The following PALM2AKAP2 variants were observed in gnomAD, a reference collection of about 807,000 sequenced individuals.
PALM2AKAP2 encodes the protein PALM2 and AKAP2 fusion.
In PALM2AKAP2, 37 loss-of-function variants were observed where a neutral mutation model predicts 71.5. That is an observed-to-expected ratio of 0.52 (90% CI 0.40 to 0.68). PALM2AKAP2 has a LOEUF of 0.68. Ranked by LOEUF, PALM2AKAP2 falls within the 30% of genes least tolerant of loss-of-function variation. The pLI, the probability that PALM2AKAP2 is intolerant of heterozygous loss-of-function variation, is 0.00. For missense variants in PALM2AKAP2, 1,224 were observed against 1,191.8 expected, an observed-to-expected ratio of 1.03 and a Z score of -0.40; for synonymous variants, 468 against 478.8, an observed-to-expected ratio of 0.98 and a Z score of 0.29.
chr9:109,998,762 C>A (rs370082984), intron 6 of PALM2AKAP2, among the ~76,000 whole-genome samples: 3 of 116,506 alleles, frequency 2.6e-5, no homozygotes, highest in African/African-American at 7.8e-5. Flanking sequence ...GAGACCCTGT[C>A]GCAAAAAAAA....
At chr9:109,654,124 A>G (rs1017235363) in intron 1 of PALM2AKAP2, among the ~76,000 whole-genome samples, 1 of 152,222 alleles carries the variant, frequency 6.6e-6, no homozygotes, top group Non-Finnish European at 1.5e-5. Context: ...TCAGTCCTTT[A>G]ATATTTTAAA....
chr9:109,687,978 G>A (rs2118536725), intron 1 of PALM2AKAP2, among the ~76,000 whole-genome samples: 1 of 152,296 alleles, frequency 6.6e-6, no homozygotes, highest in East Asian at 1.9e-4. Flanking sequence ...CAAAGGAATG[G>A]TTGATCAGTG....
chr9:109,942,554 T>G, intron 6 of PALM2AKAP2: 1 of 993,082 alleles, frequency 1.0e-6, no homozygotes, highest in South Asian at 1.8e-5. Flanking sequence ...CGCACCTCAC[T>G]CTAACACTCA....
At chr9:110,061,138 A>G (rs934188057) in intron 1 of PALM2AKAP2, among the ~76,000 whole-genome samples, 1 of 152,296 alleles carries the variant, frequency 6.6e-6, no homozygotes, top group African/African-American at 2.4e-5. Flanking sequence ...TGCAAGATCC[A>G]CTAAACCCTC....
At chr9:110,029,639 C>A (rs1021438279) in intron 7 of PALM2AKAP2, among the ~76,000 whole-genome samples, 7 of 152,124 alleles carry the variant, frequency 4.6e-5, no homozygotes, top group African/African-American at 1.7e-4. Context: ...ATAATCTGTC[C>A]CAATCAAGCT....
chr9:110,156,440 C>T (rs1324715220), exon 3 of PALM2AKAP2: 8 of 1,612,720 alleles, frequency 5.0e-6, no homozygotes, highest in Admixed American at 3.3e-5. Flanking sequence ...TGCAGACCCT[C>T]ATGGAAGACT....
chr9:109,688,380 A>T (rs983924483), intron 1 of PALM2AKAP2, among the ~76,000 whole-genome samples: 1 of 152,254 alleles, frequency 6.6e-6, no homozygotes, highest in Admixed American at 6.5e-5. Context: ...AAACTTTGAG[A>T]AGCATTGAAC....
chr9:109,940,134 A>G (rs1831325573), intron 6 of PALM2AKAP2, among the ~76,000 whole-genome samples: 1 of 152,200 alleles, frequency 6.6e-6, no homozygotes, highest in African/African-American at 2.4e-5. Context: ...AGATGTGTAT[A>G]TTGGGTACCT....
chr9:109,803,493 A>G (rs1564155967), intron 1 of PALM2AKAP2, among the ~76,000 whole-genome samples: 1 of 152,190 alleles, frequency 6.6e-6, no homozygotes. Context: ...ATCTAGACCC[A>G]CGCTGGAAAG....
At chr9:110,155,657 G>A (rs908629438) in intron 2 of PALM2AKAP2, among the ~76,000 whole-genome samples, 2 of 152,158 alleles carry the variant, frequency 1.3e-5, no homozygotes, top group African/African-American at 2.4e-5. Context: ...GGTCTGGGAG[G>A]CCTCAAACCC....
chr9:109,670,144 G>T (rs1451684350), intron 1 of PALM2AKAP2, among the ~76,000 whole-genome samples: 1 of 152,074 alleles, frequency 6.6e-6, no homozygotes, highest in Admixed American at 6.6e-5. Context: ...GATTTCAGGG[G>T]TACATATGCC....
At chr9:110,133,028 G>A (rs1835769471) in intron 1 of PALM2AKAP2, among the ~76,000 whole-genome samples, 1 of 152,020 alleles carries the variant, frequency 6.6e-6, no homozygotes, top group Non-Finnish European at 1.5e-5. Flanking sequence ...TCAAACAATT[G>A]CAAAAGTATA....
At chr9:110,018,037 A>T (rs1405697700) in intron 7 of PALM2AKAP2, among the ~76,000 whole-genome samples, 1 of 151,880 alleles carries the variant, frequency 6.6e-6, no homozygotes, top group Non-Finnish European at 1.5e-5. Flanking sequence ...CAAATGGCAT[A>T]TTCTAATAGA....
intron 1 of PALM2AKAP2, among the ~76,000 whole-genome samples, chr9:109,751,642 C>T (rs1828887721): frequency 6.6e-6 from 1 of 152,166 alleles, no homozygotes; most frequent in Non-Finnish European, 1.5e-5. Context: ...GTTTGAGTAA[C>T]AGTTCAATCA....
intron 1 of PALM2AKAP2, among the ~76,000 whole-genome samples, chr9:109,692,755 T>A (rs1489740525): frequency 6.6e-6 from 1 of 152,028 alleles, no homozygotes; most frequent in African/African-American, 2.4e-5. Context: ...AATTTGAAAA[T>A]GTTAAATGAA....
chr9:109,733,000 G>C (rs895184985), intron 1 of PALM2AKAP2, among the ~76,000 whole-genome samples: 2 of 152,156 alleles, frequency 1.3e-5, no homozygotes, highest in African/African-American at 4.8e-5. Context: ...AGTTCTGAGA[G>C]GTAGACAGGA....
intron 1 of PALM2AKAP2, among the ~76,000 whole-genome samples, chr9:109,706,267 T>C (rs1440606462): frequency 2.0e-5 from 3 of 152,218 alleles, no homozygotes; most frequent in Non-Finnish European, 4.4e-5. Flanking sequence ...GTAATACTCA[T>C]AATAATGATG....
At chr9:109,925,464 G>A (rs911620177) in intron 5 of PALM2AKAP2, among the ~76,000 whole-genome samples, 4 of 152,086 alleles carry the variant, frequency 2.6e-5, no homozygotes, top group African/African-American at 4.8e-5. Flanking sequence ...TGAAACATAC[G>A]TGAGAAGTTT....
intron 7 of PALM2AKAP2, among the ~76,000 whole-genome samples, chr9:110,022,244 C>T (rs1232487830): frequency 1.3e-5 from 2 of 152,146 alleles, no homozygotes; most frequent in African/African-American, 4.8e-5. Context: ...TTTTAAAAAG[C>T]TGAGTTGAGC....
Sources: gnomAD v4.1 joint callset for allele counts (sites outside exome capture counted in the v4.1 genomes callset) on GRCh38, gnomAD v4.1.1 for gene constraint, MANE v1.5 for transcripts, NCBI Gene and HGNC (gene_info 2026-07-23, HGNC 2026-07-21) for gene names.